The following ARGFX variants were observed in gnomAD, a reference collection of about 807,000 sequenced individuals.
ARGFX encodes arginine-fifty homeobox.
Under a neutral mutation model 8.0 loss-of-function variants are expected in ARGFX, and 10 were observed. The observed-to-expected ratio is 1.25, with a 90% CI of 0.77 to 2.12. The LOEUF is 2.12. Ranked by LOEUF, ARGFX falls within the 30% of genes most tolerant of loss-of-function variation. The probability of loss-of-function intolerance (pLI) is 0.00; values close to 1 mark genes in which losing one functional copy is unlikely to be tolerated. For synonymous variants in ARGFX, 116 were observed against 117.8 expected, an observed-to-expected ratio of 0.98 and a Z score of 0.10; for missense variants, 282 against 324.3, an observed-to-expected ratio of 0.87 and a Z score of 1.00.
At chr3:121,571,985 T>C (rs929588899) in intron 2 of ARGFX, among the ~76,000 whole-genome samples, 7 of 149,232 alleles carry the variant, frequency 4.7e-5, no homozygotes. Context: ...TGTGGCACCA[T>C]GCCTGGCTAA....
intron 1 of ARGFX, among the ~76,000 whole-genome samples, chr3:121,568,265 AC>A (rs2048685285): frequency 6.6e-6 from 1 of 152,164 alleles, no homozygotes; most frequent in Non-Finnish European, 1.5e-5. Context: ...GGGCTCCCAA[AC>A]TTTCTCCATC....
chr3:121,570,489 TTTG>T (rs757741266), intron 1 of ARGFX, among the ~76,000 whole-genome samples: 5 of 152,210 alleles, frequency 3.3e-5, no homozygotes, highest in African/African-American at 4.8e-5. Context: ...CAGGATTTCT[TTTG>T]TTATTTCTAA....
At chr3:121,576,269 T>C (rs1576441657) in intron 2 of ARGFX, among the ~76,000 whole-genome samples, 1 of 152,104 alleles carries the variant, frequency 6.6e-6, no homozygotes, top group East Asian at 1.9e-4. Context: ...AATGGACATA[T>C]GTGTTCCCTG....
chr3:121,584,207 GA>G (rs2048797186), intron 3 of ARGFX, among the ~76,000 whole-genome samples: 2 of 56,554 alleles, frequency 3.5e-5, no homozygotes, highest in African/African-American at 1.5e-4. Context: ...AGAGAGAGAG[GA>G]AGGAAGGAAG....
At chr3:121,581,244 C>T (rs1162352416) in intron 3 of ARGFX, among the ~76,000 whole-genome samples, 1 of 152,148 alleles carries the variant, frequency 6.6e-6, no homozygotes, top group African/African-American at 2.4e-5. Flanking sequence ...TGTGAGCCAC[C>T]ATGCCTGGCC....
Position 121,586,130 on chromosome 3 carries a change from A to G in ARGFX, c.478A>G (p.Arg160Gly). 1 of 1,613,640 alleles carries G rather than the reference A, an allele frequency of 6.2e-7. No homozygotes were observed. The highest frequency in any genetic ancestry group is 8.5e-7 in the Non-Finnish European group (1 of 1,179,852). Residue 160 changes from arginine to glycine, a missense_variant, in exon 5 of 5, where the codon AGA becomes GGA. Transcript: ENST00000334384. ...PSKKNVPTSPRTSPSPYAFSP... is the reference protein window; with the variant it reads ...PSKKNVPTSPGTSPSPYAFSP... ...CAAGAAGAATGTGCCCACCTCCCCC[A>G]GAACATCCCCCAGTCCTTATGCTTT...
rs1475187011 is a variant in ARGFX, at chr3:121,588,641, A to G, written c.*2041A>G. 6.6e-6 allele frequency among the ~76,000 whole-genome samples: 1 copy of G among 150,908 alleles called. No homozygotes were observed. Among genetic ancestry groups the G allele is most frequent in the African/African-American group, 2.4e-5 (1 of 41,058 alleles). On this transcript the variant is annotated 3_prime_UTR_variant, in exon 5 of 5. Coordinates refer to ENST00000334384, the MANE Select transcript of ARGFX (RefSeq NM_001012659.2). ...ACATAGAAAATGTTTTGAATAGGCC[A>G]GGCGCAGTGGCTCACACCTGTAATC...
At chr3:121,584,848 G>GT (rs2048801700) in intron 3 of ARGFX, 69 bp from the exon 4 acceptor site, 3 of 1,542,136 alleles carry the variant, frequency 1.9e-6, no homozygotes, top group South Asian at 1.2e-5. Flanking sequence ...TTTGGTTTTT[G>GT]TTTTTTTGGT....
rs555471165 is a variant in ARGFX at position 121,587,061 on chromosome 3, T to A, written c.*461T>A. On this transcript the variant is annotated 3_prime_UTR_variant, in exon 5 of 5. Coordinates refer to ENST00000334384, the MANE Select transcript of ARGFX (RefSeq NM_001012659.2). ...CTCGCCACCACACCTGGCTAATTTTTTTTTTTTGAGACTGAGTCTCGCACT... is the reference window on the plus strand; with the variant it reads ...CTCGCCACCACACCTGGCTAATTTTATTTTTTTGAGACTGAGTCTCGCACT... 2.0e-5 allele frequency among the ~76,000 whole-genome samples: 3 copies of A among 152,080 alleles called. No individual in the cohort carries two copies. The East Asian group carries it at 5.8e-4, about 29-fold the overall frequency.
intron 3 of ARGFX, among the ~76,000 whole-genome samples, chr3:121,581,285 C>A (rs2048778602): frequency 6.6e-6 from 1 of 152,124 alleles, no homozygotes; most frequent in African/African-American, 2.4e-5. Flanking sequence ...TCTAACTTTA[C>A]TTTTAATAGG....
chr3:121,571,512 C>T (rs2048707885), intron 2 of ARGFX, among the ~76,000 whole-genome samples: 1 of 151,536 alleles, frequency 6.6e-6, no homozygotes. Context: ...AATAAAGACA[C>T]AAATGGAAAA....
chr3:121,570,733 C>A lies in ARGFX; in HGVS notation c.20C>A (p.Pro7Gln). The A allele has an allele frequency of 2.5e-6, 4 of 1,610,402 alleles. No homozygotes were observed. The highest frequency in any genetic ancestry group is 3.4e-6 in the Non-Finnish European group (4 of 1,178,464). MRNRMA[P>Q]ENPQPDPFIN... Reference sequence around the variant, plus strand: ...GAAACCATGAGGAACAGAATGGCCCCAGAGAATCCCCAGCCAGACCCTTTC... The same window carrying A: ...GAAACCATGAGGAACAGAATGGCCCAAGAGAATCCCCAGCCAGACCCTTTC... Residue 7 changes from proline (P) to glutamine (Q), a missense_variant, in exon 2 of 5, where the codon CCA becomes CAA. Pro to Gln is a moderately conservative substitution (Grantham distance 76). Coordinates refer to ENST00000334384, the MANE Select transcript of ARGFX (RefSeq NM_001012659.2).
At position 121,586,655 on chromosome 3, in the gene ARGFX, A is replaced by C. The variant is rs1025078444; in HGVS notation, c.*55A>C. 1.4e-6 allele frequency: 2 copies of C among 1,404,848 alleles called. No homozygotes were observed. Among genetic ancestry groups the C allele is most frequent in the African/African-American group, 1.4e-5 (1 of 69,480 alleles). 87.0% of individuals were successfully genotyped at this position (1,404,848 alleles called of 1,614,324 possible). On this transcript the variant is annotated 3_prime_UTR_variant, in exon 5 of 5. Coordinates refer to ENST00000334384, the MANE Select transcript of ARGFX (RefSeq NM_001012659.2). Reference sequence around the variant, plus strand: ...GAAAAGTGGTCTTCTTGCCTCTTGTACATGACTGTTTTTTTCCTTTGTCTC... The same window carrying C: ...GAAAAGTGGTCTTCTTGCCTCTTGTCCATGACTGTTTTTTTCCTTTGTCTC...
intron 1 of ARGFX, among the ~76,000 whole-genome samples, chr3:121,569,782 T>C (rs2048696966): frequency 1.3e-5 from 2 of 152,232 alleles, no homozygotes; most frequent in East Asian, 1.9e-4. Flanking sequence ...TTTGTAACAT[T>C]ACATACTGGT....
chr3:121,576,932 C>G (rs1048267363), intron 3 of ARGFX, 32 bp downstream of exon 3: 4 of 273,140 alleles, frequency 1.5e-5, no homozygotes, highest in African/African-American at 9.4e-5. Flanking sequence ...TTTGTAGAGA[C>G]GAGATTTCAC....
chr3:121,583,025 A>ATT lies in ARGFX; in HGVS notation c.221-1871_221-1870dup, dbSNP rs35823830. On this transcript the variant is annotated intron_variant, in intron 3 of 4. Transcript: ENST00000334384. ...ATGGCCAAATTTTGATAATTGCGGGATTTTTTTTTTTTTTTTTTTTTTGAG... is the reference window on the plus strand; with the variant it reads ...ATGGCCAAATTTTGATAATTGCGGGATTTTTTTTTTTTTTTTTTTTTTTTGAG... 6.5e-3 allele frequency among the ~76,000 whole-genome samples: 706 copies of ATT among 108,316 alleles called. 13 individuals are homozygous for ATT. Among genetic ancestry groups the ATT allele is most frequent in the South Asian group, 0.028 (89 of 3,164 alleles). The allele number at this position is 108,316 out of a possible 152,430, so 71.1% of individuals were successfully genotyped here.
Position 121,586,037 on chromosome 3 carries a change from C to G in ARGFX, c.385C>G (p.Arg129Gly). 1 of 1,577,800 alleles carries G rather than the reference C, an allele frequency of 6.3e-7. No homozygotes were observed. Among genetic ancestry groups the G allele is most frequent in the South Asian group, 1.2e-5 (1 of 84,118 alleles). ...ESTVKVWFRN[R>G]RFKLKKQQQQ... ...CTACTCCCAGGTTTGGTTCAGGAAC[C>G]GGCGATTCAAATTGAAGAAGCAGCA... is the stretch of plus-strand genomic sequence containing the variant. Residue 129 changes from arginine to glycine, a missense_variant, in exon 5 of 5, where the codon CGG (arginine) becomes GGG (glycine). Transcript: ENST00000334384.
In ARGFX at chr3:121,587,224, G is replaced by A. The variant is rs2048817732; in HGVS notation, c.*624G>A. Among the ~76,000 whole-genome samples, 2 of 152,050 alleles carry A rather than the reference G, an allele frequency of 1.3e-5. No individual in the cohort carries two copies. The highest frequency in any genetic ancestry group is 4.8e-5 in the African/African-American group (2 of 41,414). On this transcript the variant is annotated 3_prime_UTR_variant, in exon 5 of 5. Coordinates refer to ENST00000334384, the MANE Select transcript of ARGFX (RefSeq NM_001012659.2). ...GTGCCACCATGCCTGGCTAACTTTTGTATTTTTAGTAGAGACGGGGTTTCA... is the reference window on the plus strand; with the variant it reads ...GTGCCACCATGCCTGGCTAACTTTTATATTTTTAGTAGAGACGGGGTTTCA...
intron 1 of ARGFX, 68 bp from the exon 2 acceptor site, chr3:121,570,634 G>C (rs1395706326): frequency 9.2e-7 from 1 of 1,084,030 alleles, no homozygotes; most frequent in Non-Finnish European, 1.3e-6. Context: ...CAGGCTCCTT[G>C]AAAACATTGC....
Sources: allele counts gnomAD v4.1 joint callset (sites outside exome capture counted in the v4.1 genomes callset), GRCh38; gene constraint gnomAD v4.1.1; transcripts MANE v1.5; gene names NCBI Gene and HGNC (gene_info 2026-07-23, HGNC 2026-07-21).